SEMA3A: variants seen among roughly 807,000 people sequenced by gnomAD.
SEMA3A encodes the protein semaphorin 3A, also known as semaphorin-3A.
SEMA3A carries 29 observed loss-of-function variants against 97.9 expected under a neutral mutation model. The ratio of observed to expected loss-of-function variants is 0.30; its 90% confidence interval spans 0.22 to 0.40. The LOEUF is 0.40. Among genes scored for constraint, SEMA3A ranks in the 10% least tolerant of loss-of-function variants. SEMA3A has a pLI of 1.00. For synonymous variants in SEMA3A, 321 were observed against 323.7 expected (o/e 0.99, Z 0.09); for missense variants, 763 against 951.3 (o/e 0.80, Z 2.60).
At chr7:84,006,442 G>A (rs1790671199) in intron 10 of SEMA3A, among the ~76,000 whole-genome samples, 1 of 151,804 alleles carries the variant, frequency 6.6e-6, no homozygotes, top group Non-Finnish European at 1.5e-5. Context: ...AGACCAATCA[G>A]AATGCCCATC....
chr7:84,225,287 T>C (rs1024501943), intron 3 of SEMA3A, among the ~76,000 whole-genome samples: 3 of 152,116 alleles, frequency 2.0e-5, no homozygotes, highest in African/African-American at 7.2e-5. Flanking sequence ...ATTCAATAAT[T>C]AAACATTTTA....
chr7:84,331,187 C>A (rs148782788), intron 2 of SEMA3A, among the ~76,000 whole-genome samples: 1 of 152,034 alleles, frequency 6.6e-6, no homozygotes, highest in Non-Finnish European at 1.5e-5. Context: ...CACAAAAATA[C>A]GTCAAGAACT....
At chr7:84,404,369 A>T (rs926422984) in intron 1 of SEMA3A, among the ~76,000 whole-genome samples, 1 of 152,224 alleles carries the variant, frequency 6.6e-6, no homozygotes, top group Non-Finnish European at 1.5e-5. Flanking sequence ...AAACGAACAA[A>T]GCCTCCAAGA....
intron 1 of SEMA3A, among the ~76,000 whole-genome samples, chr7:84,475,152 T>C (rs1286563147): frequency 4.6e-5 from 7 of 151,960 alleles, no homozygotes; most frequent in Non-Finnish European, 1.0e-4. Context: ...GCCCATCTCA[T>C]ACTCCCTGGT....
At chr7:84,320,288 T>C (rs1034647995) in intron 2 of SEMA3A, among the ~76,000 whole-genome samples, 3 of 152,172 alleles carry the variant, frequency 2.0e-5, no homozygotes, top group Non-Finnish European at 4.4e-5. Context: ...ATTACCTTTT[T>C]TGTCCATCTT....
chr7:84,153,115 A>T (rs1378772174), intron 1 of SEMA3A, among the ~76,000 whole-genome samples: 1 of 152,168 alleles, frequency 6.6e-6, no homozygotes, highest in Non-Finnish European at 1.5e-5. Flanking sequence ...AAAAAATGCT[A>T]CACTCTCCTT....
chr7:84,209,970 C>T (rs1798586457), intron 3 of SEMA3A, among the ~76,000 whole-genome samples: 1 of 151,986 alleles, frequency 6.6e-6, no homozygotes, highest in Non-Finnish European at 1.5e-5. Context: ...AGAAAGTTTA[C>T]TTTTTTTCCT....
intron 2 of SEMA3A, among the ~76,000 whole-genome samples, chr7:84,350,017 C>T (rs1802397687): frequency 6.6e-6 from 1 of 151,984 alleles, no homozygotes; most frequent in Non-Finnish European, 1.5e-5. Flanking sequence ...TGCCCCAAAT[C>T]CCCCCAAATT....
chr7:84,109,608 A>G (rs1031404688), intron 4 of SEMA3A, among the ~76,000 whole-genome samples: 2 of 152,190 alleles, frequency 1.3e-5, no homozygotes, highest in African/African-American at 4.8e-5. Context: ...TTTAAGTTAT[A>G]AAGAAGTAAC....
intron 1 of SEMA3A, among the ~76,000 whole-genome samples, chr7:84,441,808 C>A (rs1215267253): frequency 2.0e-5 from 3 of 152,116 alleles, no homozygotes; most frequent in Non-Finnish European, 4.4e-5. Flanking sequence ...TGGTCCTACA[C>A]AAGACATCCT....
chr7:84,440,114 T>C (rs1488009153), intron 1 of SEMA3A, among the ~76,000 whole-genome samples: 1 of 152,118 alleles, frequency 6.6e-6, no homozygotes, highest in Non-Finnish European at 1.5e-5. Context: ...TCTGGGAAAA[T>C]GGCAGCGTGT....
At chr7:84,234,104 A>G (rs1482206720) in intron 3 of SEMA3A, among the ~76,000 whole-genome samples, 2 of 152,010 alleles carry the variant, frequency 1.3e-5, no homozygotes, top group Non-Finnish European at 2.9e-5. Context: ...AAAAGTAAAT[A>G]CATTGTTTTA....
intron 1 of SEMA3A, among the ~76,000 whole-genome samples, chr7:84,484,629 G>A (rs1203951791): frequency 1.3e-5 from 2 of 151,814 alleles, no homozygotes; most frequent in African/African-American, 4.8e-5. Context: ...CTTAACATAG[G>A]ATGTAAAGAT....
rs543798516 is a variant in SEMA3A, at chr7:84,436,930, C to T, written c.-246+55530G>A. 2.4e-4 allele frequency among the ~76,000 whole-genome samples: 37 copies of T among 152,002 alleles called. No individual in the cohort carries two copies. In the South Asian group the frequency reaches 7.3e-3, roughly 30 times the overall value. On this transcript the variant is annotated intron_variant, in intron 1 of 3. Transcript: ENST00000424555. ...GAAAACAATGAAAAATTACTTTTTT[C>T]GTGAAAAGTGTTTTCATTCACCTTC...
intron 1 of SEMA3A, among the ~76,000 whole-genome samples, chr7:84,433,864 T>C (rs1584322462): frequency 6.6e-6 from 1 of 152,250 alleles, no homozygotes. Context: ...GTTGGCTGCA[T>C]AAATGTCTTC....
intron 1 of SEMA3A, among the ~76,000 whole-genome samples, chr7:84,151,738 T>C (rs1279578557): frequency 6.6e-6 from 1 of 151,970 alleles, no homozygotes; most frequent in Non-Finnish European, 1.5e-5. Flanking sequence ...CAAAAGAAAC[T>C]ACCATCAGAG....
At chr7:83,981,919 G>C (rs1789429594) in intron 13 of SEMA3A, among the ~76,000 whole-genome samples, 1 of 152,114 alleles carries the variant, frequency 6.6e-6, no homozygotes, top group Non-Finnish European at 1.5e-5. Flanking sequence ...CTGTGATGGA[G>C]TGTGCCCTTT....
At chr7:84,211,116 G>A (rs1359935958) in intron 3 of SEMA3A, among the ~76,000 whole-genome samples, 1 of 152,162 alleles carries the variant, frequency 6.6e-6, no homozygotes, top group Non-Finnish European at 1.5e-5. Flanking sequence ...CCACCAAAAA[G>A]AGACTCATTC....
At chr7:84,172,454 G>A (rs554924188) in intron 1 of SEMA3A, among the ~76,000 whole-genome samples, 9 of 151,716 alleles carry the variant, frequency 5.9e-5, no homozygotes, top group East Asian at 3.9e-4. Flanking sequence ...ACAGAGTCTC[G>A]CTCTGTCACC....
Sources: gnomAD v4.1 joint callset for allele counts (sites outside exome capture counted in the v4.1 genomes callset) on GRCh38, gnomAD v4.1.1 for gene constraint, MANE v1.5 for transcripts, NCBI Gene and HGNC (gene_info 2026-07-23, HGNC 2026-07-21) for gene names.